CSMD1: variants seen among roughly 807,000 people sequenced by gnomAD.
CSMD1 encodes CUB and Sushi multiple domains 1.
CSMD1 carries 213 observed loss-of-function variants against 417.5 expected under a neutral mutation model. The ratio of observed to expected loss-of-function variants is 0.51; its 90% confidence interval spans 0.46 to 0.57. The LOEUF is 0.57. CSMD1 is among the 20% of genes least tolerant of loss of function. The pLI is 0.00. For missense variants in CSMD1, 6,923 were observed against 4,529.7 expected (o/e 1.53, Z -15.17); for synonymous variants, 2,862 against 1,736.8 (o/e 1.65, Z -16.11).
chr8:4,796,391 T>C (rs1419550270), intron 1 of CSMD1, among the ~76,000 whole-genome samples: 1 of 151,972 alleles, frequency 6.6e-6, no homozygotes, highest in African/African-American at 2.4e-5. Context: ...GATCTCCCTG[T>C]CTAAGGGCAT....
intron 3 of CSMD1, among the ~76,000 whole-genome samples, chr8:4,068,594 T>C (rs963262868): frequency 7.9e-5 from 12 of 152,174 alleles, no homozygotes; most frequent in South Asian, 2.1e-4. Flanking sequence ...TTTGTAATGA[T>C]TGCAGAAAAC....
rs550731297 is a variant in CSMD1 at position 3,294,807 on chromosome 8, G to A, written c.3951-10461C>T. Among the ~76,000 whole-genome samples, 356 of 152,150 alleles carry A rather than the reference G, an allele frequency of 2.3e-3. 2 individuals are homozygous for A. Among genetic ancestry groups the A allele is most frequent in the African/African-American group, 7.2e-3 (297 of 41,512 alleles). On this transcript the variant is annotated intron_variant, in intron 25 of 69. Transcript: ENST00000635120. ...GATGCCTCCCCCTGCTTTGGCTCCC[G>A]CTTGGTGGGCTGCACCCATTGTCCT...
intron 1 of CSMD1, among the ~76,000 whole-genome samples, chr8:4,712,497 G>A (rs182174613): frequency 1.5e-4 from 23 of 152,236 alleles, no homozygotes; most frequent in Admixed American, 9.8e-4. Context: ...CTAATTGCTT[G>A]CAGGAAAATT....
chr8:3,736,632 C>A (rs1367571891), intron 6 of CSMD1, among the ~76,000 whole-genome samples: 1 of 152,198 alleles, frequency 6.6e-6, no homozygotes, highest in Non-Finnish European at 1.5e-5. Context: ...GTGAATCTTT[C>A]TCATGCCCCA....
At chr8:3,425,562 T>A (rs1212796747) in intron 12 of CSMD1, among the ~76,000 whole-genome samples, 5 of 124,244 alleles carry the variant, frequency 4.0e-5, no homozygotes, top group East Asian at 4.4e-4. Flanking sequence ...CACTCTGGCC[T>A]GGGAGAGAGA....
rs548092715 is a variant in CSMD1 at position 3,637,083 on chromosome 8, C to T, written c.1010-20286G>A. On this transcript the variant is annotated intron_variant, in intron 7 of 69. Transcript: ENST00000635120. ...TCAGGATCCTCATGCTTGAACTTCC[C>T]AGACTCCAAAACTATAGAAAATAAA... Among the ~76,000 whole-genome samples the T allele has an allele frequency of 9.9e-5, 15 of 152,246 alleles. No homozygotes were observed. In the South Asian group the frequency reaches 1.0e-3, roughly 11 times the overall value.
chr8:3,282,428 A>G (rs1802810261), intron 26 of CSMD1, among the ~76,000 whole-genome samples: 2 of 152,210 alleles, frequency 1.3e-5, no homozygotes, highest in Admixed American at 6.5e-5. Flanking sequence ...GAAGAGGAAA[A>G]TGAACATAAT....
At chr8:3,321,242 C>A (rs542486616) in intron 23 of CSMD1, among the ~76,000 whole-genome samples, 1 of 152,066 alleles carries the variant, frequency 6.6e-6, no homozygotes, top group Non-Finnish European at 1.5e-5. Flanking sequence ...ACTAACGGGT[C>A]GCCAAGACAC....
At chr8:3,950,904 A>C (rs945809053) in intron 5 of CSMD1, among the ~76,000 whole-genome samples, 1 of 152,224 alleles carries the variant, frequency 6.6e-6, no homozygotes, top group Non-Finnish European at 1.5e-5. Context: ...TTAATAAAAA[A>C]TAAGGAAAAC....
At chr8:3,939,545 T>C (rs1810735844) in intron 5 of CSMD1, among the ~76,000 whole-genome samples, 1 of 152,096 alleles carries the variant, frequency 6.6e-6, no homozygotes, top group Non-Finnish European at 1.5e-5. Context: ...GACGTCATCA[T>C]ATGAAAAAGG....
intron 3 of CSMD1, among the ~76,000 whole-genome samples, chr8:4,301,115 T>A (rs35319725): frequency 0.66 from 100,942 of 151,984 alleles, 33,995 homozygotes; most frequent in East Asian, 0.85. Context: ...CTTGCAAAAT[T>A]GCCCGTGTTT....
intron 3 of CSMD1, among the ~76,000 whole-genome samples, chr8:4,230,100 A>G (rs1801622080): frequency 1.3e-5 from 2 of 152,216 alleles, no homozygotes; most frequent in Admixed American, 6.5e-5. Context: ...TACAAGCCTT[A>G]TAAACCTTTT....
intron 3 of CSMD1, among the ~76,000 whole-genome samples, chr8:4,201,898 G>GC (rs917585144): frequency 1.4e-5 from 2 of 146,034 alleles, no homozygotes; most frequent in Admixed American, 1.4e-4. Flanking sequence ...GGGGGGGGGG[G>GC]GCGCTGCATT....
intron 10 of CSMD1, among the ~76,000 whole-genome samples, chr8:3,533,847 G>C (rs1218051240): frequency 6.6e-6 from 1 of 152,152 alleles, no homozygotes; most frequent in African/African-American, 2.4e-5. Flanking sequence ...TACAGTTAGA[G>C]ATCTTAGTCT....
At chr8:3,889,452 C>CATATATAT (rs1171842639) in intron 5 of CSMD1, among the ~76,000 whole-genome samples, 94 of 45,382 alleles carry the variant, frequency 2.1e-3, no homozygotes, top group African/African-American at 3.9e-3. Flanking sequence ...CTGATCTTTC[C>CATATATAT]ATATATATAT....
intron 3 of CSMD1, among the ~76,000 whole-genome samples, chr8:4,361,113 G>A (rs1050087866): frequency 2.0e-5 from 3 of 152,146 alleles, no homozygotes; most frequent in Admixed American, 6.5e-5. Flanking sequence ...TGTGGATGCT[G>A]AAATAGTCAC....
At chr8:3,980,505 G>A (rs1188686086) in intron 5 of CSMD1, among the ~76,000 whole-genome samples, 1 of 151,662 alleles carries the variant, frequency 6.6e-6, no homozygotes, top group Non-Finnish European at 1.5e-5. Flanking sequence ...GCTCGTCTCT[G>A]CTTCTATGTT....
intron 3 of CSMD1, among the ~76,000 whole-genome samples, chr8:4,265,148 A>G (rs978840175): frequency 5.3e-5 from 8 of 152,304 alleles, no homozygotes; most frequent in Middle Eastern, 3.4e-3. Flanking sequence ...GACCTCGACT[A>G]TTATTAGTAA....
At chr8:3,884,614 T>C (rs1406722699) in intron 5 of CSMD1, among the ~76,000 whole-genome samples, 1 of 152,174 alleles carries the variant, frequency 6.6e-6, no homozygotes, top group Non-Finnish European at 1.5e-5. Flanking sequence ...TTTGTTCTGA[T>C]TTGGTTAAAC....
Sources: gnomAD v4.1 joint callset for allele counts (sites outside exome capture counted in the v4.1 genomes callset) on GRCh38, gnomAD v4.1.1 for gene constraint, MANE v1.5 for transcripts, NCBI Gene and HGNC (gene_info 2026-07-23, HGNC 2026-07-21) for gene names.